The following RAB19 variants were observed in gnomAD, a reference collection of about 807,000 sequenced individuals.
The protein encoded by RAB19 is ras-related protein Rab-19.
RAB19 carries 21 observed loss-of-function variants against 17.3 expected under a neutral mutation model. That is an observed-to-expected ratio of 1.21 (90% CI 0.86 to 1.74). The LOEUF (loss-of-function observed/expected upper bound fraction) is 1.74, where lower values mean the gene tolerates loss of function less well. Ranked by LOEUF, RAB19 falls within the 40% of genes most tolerant of loss-of-function variation. The probability of loss-of-function intolerance (pLI) is 0.00; values close to 1 mark genes in which losing one functional copy is unlikely to be tolerated. For missense variants in RAB19, 277 were observed against 286.8 expected, an observed-to-expected ratio of 0.97 and a Z score of 0.25; for synonymous variants, 126 against 110.4, an observed-to-expected ratio of 1.14 and a Z score of -0.88.
chr7:140,426,048 C>T lies in RAB19; in HGVS notation c.552C>T (p.Ser184=). Residue 184 remains serine, a synonymous_variant, in exon 4 of 4, where the codon AGC becomes AGT. Transcript: ENST00000537763. ...LMAKELIARN[S]LHLYGESALN... is the part of the protein sequence containing the mutation. ...CCAAGGAGCTGATCGCGCGCAACAG[C>T]CTGCACCTATATGGGGAGAGTGCCC... 6.2e-7 allele frequency: 1 copy of T among 1,614,162 alleles called. No homozygotes were observed. The highest frequency in any genetic ancestry group is 1.3e-5 in the African/African-American group (1 of 75,048).
chr7:140,421,138 G>T (rs191709978), intron 3 of RAB19, among the ~76,000 whole-genome samples: 1 of 151,934 alleles, frequency 6.6e-6, no homozygotes, highest in African/African-American at 2.4e-5. Context: ...TGATCCACCC[G>T]CCTTGGCCTC....
At chr7:140,423,452 A>AC in intron 3 of RAB19, among the ~76,000 whole-genome samples, 1 of 152,178 alleles carries the variant, frequency 6.6e-6, no homozygotes, top group Non-Finnish European at 1.5e-5. Context: ...AAAAAAAAAA[A>AC]ACACAAATGT....
intron 3 of RAB19, among the ~76,000 whole-genome samples, chr7:140,424,613 CTCTCTCTA>C (rs1423834631): frequency 2.1e-4 from 17 of 79,242 alleles, no homozygotes; most frequent in African/African-American, 4.2e-4. Context: ...CTCTCTCTCT[CTCTCTCTA>C]TATATATATA....
intron 3 of RAB19, among the ~76,000 whole-genome samples, chr7:140,414,049 T>G (rs1334267961): frequency 1.3e-5 from 2 of 151,980 alleles, no homozygotes; most frequent in Non-Finnish European, 2.9e-5. Flanking sequence ...CTGTGCTACC[T>G]TCTCTCTTTT....
Position 140,405,348 on chromosome 7 carries a change from G to A in RAB19, c.-24+1131G>A, listed in dbSNP as rs373590782. Among the ~76,000 whole-genome samples, 4 of 152,188 alleles carry A rather than the reference G, an allele frequency of 2.6e-5. No homozygotes were observed. The South Asian group carries it at 8.3e-4, about 32-fold the overall frequency. On this transcript the variant is annotated intron_variant, in intron 1 of 3. Coordinates refer to ENST00000537763, the MANE Select transcript of RAB19 (RefSeq NM_001008749.3). ...CCATTCTCCTGCCTTAGCCTCCCAA[G>A]TAGCTGGGATTACAGGTGCATGCCA...
intron 3 of RAB19, among the ~76,000 whole-genome samples, chr7:140,423,677 G>T (rs575158429): frequency 6.6e-6 from 1 of 152,314 alleles, no homozygotes; most frequent in Non-Finnish European, 1.5e-5. Context: ...AGGACCGGGG[G>T]TGGTGAGAGT....
Position 140,426,640 on chromosome 7 carries a change from A to G in RAB19, c.*490A>G, listed in dbSNP as rs148788288. Reference sequence around the variant, plus strand: ...TGCAATGAGAAACCAGAATGCTGCTATCATTTTGTTCCTGACATTCACACC... The same window carrying G: ...TGCAATGAGAAACCAGAATGCTGCTGTCATTTTGTTCCTGACATTCACACC... On this transcript the variant is annotated 3_prime_UTR_variant, in exon 4 of 4. Transcript: ENST00000537763. Among the ~76,000 whole-genome samples the G allele has an allele frequency of 6.0e-4, 91 of 152,288 alleles. No individual in the cohort carries two copies. Among genetic ancestry groups the G allele is most frequent in the African/African-American group, 2.2e-3 (91 of 41,576 alleles).
intron 1 of RAB19, among the ~76,000 whole-genome samples, chr7:140,404,594 A>G (rs1370604315): frequency 6.6e-6 from 1 of 151,220 alleles, no homozygotes; most frequent in East Asian, 1.9e-4. Context: ...CAGATTGGAC[A>G]TTTGAGTGCA....
chr7:140,413,829 A>T (rs2948390), intron 3 of RAB19, among the ~76,000 whole-genome samples: 68,397 of 151,988 alleles, frequency 0.45, 16,094 homozygotes, highest in Non-Finnish European at 0.54. Context: ...CCCTCCAGGG[A>T]CAAAAGGAAA....
At chr7:140,411,112 C>T (rs1005013746) in intron 2 of RAB19, 66 of 1,367,160 alleles carry the variant, frequency 4.8e-5, no homozygotes, top group Non-Finnish European at 6.4e-5. Flanking sequence ...AATAGGCCCA[C>T]CTCTCGGCCG....
intron 3 of RAB19, among the ~76,000 whole-genome samples, chr7:140,423,110 TAAAC>T (rs144276223): frequency 1.4e-5 from 2 of 145,560 alleles, no homozygotes; most frequent in Non-Finnish European, 3.0e-5. Flanking sequence ...TCTGCTCAAA[TAAAC>T]AAATAAATAA....
intron 1 of RAB19, among the ~76,000 whole-genome samples, chr7:140,407,336 G>A (rs3924182): frequency 6.6e-6 from 1 of 152,066 alleles, no homozygotes; most frequent in African/African-American, 2.4e-5. Flanking sequence ...GTGGCACCTC[G>A]TCTCCAGGCC....
intron 3 of RAB19, among the ~76,000 whole-genome samples, chr7:140,417,652 G>A (rs1224167133): frequency 2.0e-5 from 3 of 152,186 alleles, no homozygotes; most frequent in Admixed American, 1.3e-4. Flanking sequence ...CGAGCTGGGG[G>A]CTGAAAACAA....
intron 1 of RAB19, among the ~76,000 whole-genome samples, chr7:140,406,387 C>T (rs1023133895): frequency 6.6e-6 from 1 of 151,878 alleles, no homozygotes; most frequent in African/African-American, 2.4e-5. Flanking sequence ...GGCCTGTAAT[C>T]CCAGCACTTT....
Position 140,426,839 on chromosome 7 carries a change from CTTTTT to C in RAB19, c.*705_*709del, listed in dbSNP as rs398067341. Among the ~76,000 whole-genome samples the C allele has an allele frequency of 1.6e-5, 2 of 124,022 alleles. No homozygotes were observed. The highest frequency in any genetic ancestry group is 3.2e-5 in the African/African-American group (1 of 30,800). 81.4% of individuals were successfully genotyped at this position (124,022 alleles called of 152,430 possible). The stretch of plus-strand genomic sequence containing the variant: ...AAGACACCTGCAATTTTTTTTCTTT[CTTTTT>C]TTTTTTTTTTTTTTTGAGACAGGGT... On this transcript the variant is annotated 3_prime_UTR_variant, in exon 4 of 4. Transcript: ENST00000537763.
At chr7:140,421,963 G>T (rs1799569311) in intron 3 of RAB19, among the ~76,000 whole-genome samples, 1 of 151,970 alleles carries the variant, frequency 6.6e-6, no homozygotes, top group African/African-American at 2.4e-5. Context: ...AAGTTTAATT[G>T]ATTGATTATT....
chr7:140,411,540 A>C (rs1799361845), intron 2 of RAB19, among the ~76,000 whole-genome samples: 1 of 146,134 alleles, frequency 6.8e-6, no homozygotes, highest in African/African-American at 2.6e-5. Context: ...TGATGAGCTA[A>C]AAAAAAAAAA....
At chr7:140,417,203 TC>T (rs1190386665) in intron 3 of RAB19, among the ~76,000 whole-genome samples, 1 of 143,754 alleles carries the variant, frequency 7.0e-6, no homozygotes, top group Admixed American at 7.3e-5. Context: ...ACCACTGCAC[TC>T]CAGCCTGGGT....
intron 3 of RAB19, among the ~76,000 whole-genome samples, chr7:140,417,071 CA>C (rs11422658): frequency 0.017 from 2,280 of 136,162 alleles, 49 homozygotes; most frequent in African/African-American, 0.05. Context: ...ACTAAAAATA[CA>C]AAAAAAAAAA....
Sources: gnomAD v4.1 joint callset for allele counts (sites outside exome capture counted in the v4.1 genomes callset) on GRCh38, gnomAD v4.1.1 for gene constraint, MANE v1.5 for transcripts, NCBI Gene and HGNC (gene_info 2026-07-23, HGNC 2026-07-21) for gene names.